MCC: variants seen among roughly 807,000 people sequenced by gnomAD.
MCC encodes the protein MCC regulator of Wnt signaling pathway, also known as colorectal mutant cancer protein.
Under a neutral mutation model 116.2 loss-of-function variants are expected in MCC, and 90 were observed. That is an observed-to-expected ratio of 0.77 (90% CI 0.65 to 0.92). The LOEUF (loss-of-function observed/expected upper bound fraction) is 0.92. Ranked by LOEUF, MCC falls within the 40% of genes least tolerant of loss-of-function variation. The pLI is 0.00. For synonymous variants in MCC, 578 were observed against 510.5 expected (o/e 1.13, Z -1.78); for missense variants, 1,516 against 1,312.2 (o/e 1.16, Z -2.40).
rs180818217 is a variant in MCC, at chr5:113,478,827, C to T, written c.170+9418G>A. On this transcript the variant is annotated intron_variant, in intron 1 of 18. Coordinates refer to ENST00000408903, the MANE Select transcript of MCC (RefSeq NM_001085377.2). ...CAGTCTCACAGAGAGTCCTTCTTAT[C>T]ATTATGGCTTCTCACACTATTTGTC... Among the ~76,000 whole-genome samples the T allele has an allele frequency of 2.0e-4, 31 of 152,280 alleles. 2 individuals carry two copies. In the East Asian group the frequency reaches 6.0e-3, roughly 29 times the overall value.
At position 113,064,222 on chromosome 5, in the gene MCC, C is replaced by A; in HGVS notation, c.2030-55G>T. On this transcript the variant is annotated intron_variant, in intron 13 of 18. Transcript: ENST00000408903. ...CAACATAGGCCTGGACAAGGCACGC[C>A]TGGGAGGGACTATGCATAATTAACT... 4.0e-6 allele frequency: 6 copies of A among 1,493,584 alleles called. No individual in the cohort carries two copies. The South Asian group carries it at 7.6e-5, about 19-fold the overall frequency. The allele number at this position is 1,493,584 out of a possible 1,614,324, so 92.5% of individuals were successfully genotyped here.
intron 7 of MCC, among the ~76,000 whole-genome samples, chr5:113,102,921 G>C (rs535458708): frequency 3.9e-5 from 6 of 152,192 alleles, no homozygotes; most frequent in African/African-American, 1.4e-4. Flanking sequence ...TTCAAGACCA[G>C]CCTGACCTCA....
chr5:113,185,414 A>C (rs1761852878), intron 3 of MCC, among the ~76,000 whole-genome samples: 1 of 152,002 alleles, frequency 6.6e-6, no homozygotes, highest in Non-Finnish European at 1.5e-5. Flanking sequence ...CTTCCTAACA[A>C]GGGTCCACAG....
intron 3 of MCC, among the ~76,000 whole-genome samples, chr5:113,184,383 A>G (rs1302970763): frequency 6.6e-6 from 1 of 152,198 alleles, no homozygotes; most frequent in African/African-American, 2.4e-5. Context: ...AAGATGCTGG[A>G]AGAAAAATTA....
At chr5:113,149,963 A>C (rs1561404205) in intron 4 of MCC, among the ~76,000 whole-genome samples, 1 of 152,138 alleles carries the variant, frequency 6.6e-6, no homozygotes, top group South Asian at 2.1e-4. Context: ...ATAGTAGCTA[A>C]AACTAGGAGG....
intron 3 of MCC, among the ~76,000 whole-genome samples, chr5:113,274,976 A>T (rs949023994): frequency 6.6e-6 from 1 of 152,206 alleles, no homozygotes; most frequent in Non-Finnish European, 1.5e-5. Context: ...CTTGGCTTTC[A>T]GCATGCCAGT....
At chr5:113,402,797 T>C (rs932770325) in intron 1 of MCC, among the ~76,000 whole-genome samples, 1 of 152,122 alleles carries the variant, frequency 6.6e-6, no homozygotes, top group Non-Finnish European at 1.5e-5. Context: ...AATGTTGTCA[T>C]TGTGTCTCAC....
At position 113,076,088 on chromosome 5, in the gene MCC, G is replaced by A. The variant is rs148115254; in HGVS notation, c.1785-4854C>T. On this transcript the variant is annotated intron_variant, in intron 11 of 18. Transcript: ENST00000408903. ...ATCTTTAAGAACTGTAACACTCACTGCGAGGGTCCACGGCTTCATTCTTGA... is the reference window on the plus strand; with the variant it reads ...ATCTTTAAGAACTGTAACACTCACTACGAGGGTCCACGGCTTCATTCTTGA... Among the ~76,000 whole-genome samples, 30 of 152,286 alleles carry A rather than the reference G, an allele frequency of 2.0e-4. 1 individual carries two copies. The highest frequency in any genetic ancestry group is 6.3e-4 in the African/African-American group (26 of 41,566).
At chr5:113,099,449 C>G (rs1756258205) in intron 8 of MCC, among the ~76,000 whole-genome samples, 1 of 152,218 alleles carries the variant, frequency 6.6e-6, no homozygotes, top group Admixed American at 6.5e-5. Context: ...TTCCGTATCA[C>G]TCGACAGGTA....
intron 4 of MCC, among the ~76,000 whole-genome samples, chr5:113,143,998 G>A (rs928369155): frequency 3.9e-5 from 6 of 152,198 alleles, no homozygotes; most frequent in African/African-American, 1.4e-4. Flanking sequence ...CAGACTACAA[G>A]CTCCTGGAAG....
At chr5:113,092,596 C>G (rs1755716632) in intron 8 of MCC, among the ~76,000 whole-genome samples, 1 of 152,266 alleles carries the variant, frequency 6.6e-6, no homozygotes, top group East Asian at 1.9e-4. Flanking sequence ...GATTAAGAAT[C>G]TATCACCTAT....
chr5:113,041,158 AGACAAAAAGT>A (rs1418618522), intron 17 of MCC, among the ~76,000 whole-genome samples: 1 of 152,238 alleles, frequency 6.6e-6, no homozygotes, highest in Non-Finnish European at 1.5e-5. Flanking sequence ...TTGGAAGGAA[AGACAAAAAGT>A]GACAATAAAT....
At chr5:113,310,642 T>C (rs1318354189) in intron 3 of MCC, among the ~76,000 whole-genome samples, 2 of 152,230 alleles carry the variant, frequency 1.3e-5, no homozygotes, top group African/African-American at 2.4e-5. Flanking sequence ...AAATTATTTT[T>C]CAAACACCTT....
chr5:113,198,597 G>A (rs1001101810), intron 3 of MCC, among the ~76,000 whole-genome samples: 13 of 150,984 alleles, frequency 8.6e-5, no homozygotes, highest in African/African-American at 1.2e-4. Flanking sequence ...CCAGCTACTC[G>A]GCAGGTTGAG....
intron 1 of MCC, among the ~76,000 whole-genome samples, chr5:113,424,012 T>C (rs1770415662): frequency 6.6e-6 from 1 of 152,074 alleles, no homozygotes; most frequent in Non-Finnish European, 1.5e-5. Flanking sequence ...CCTCTGGGGA[T>C]ACTGCCTGGG....
intron 8 of MCC, among the ~76,000 whole-genome samples, chr5:113,100,296 T>C (rs1756315068): frequency 6.6e-6 from 1 of 152,154 alleles, no homozygotes; most frequent in South Asian, 2.1e-4. Flanking sequence ...TCTTCCGTTT[T>C]ATATAATGGC....
rs1010008067 is a variant in MCC, at chr5:113,395,008, T to C, written c.171-9796A>G. Among the ~76,000 whole-genome samples, 61 of 152,206 alleles carry C rather than the reference T, an allele frequency of 4.0e-4. 1 individual carries two copies. Among genetic ancestry groups the C allele is most frequent in the Admixed American group, 3.3e-3 (50 of 15,272 alleles). Reference sequence around the variant, plus strand: ...CCCACAAAACCAAAAATATATACTATATGACCCTTTACAGAAAAAGTTTGC... The same window carrying C: ...CCCACAAAACCAAAAATATATACTACATGACCCTTTACAGAAAAAGTTTGC... On this transcript the variant is annotated intron_variant, in intron 1 of 18. Coordinates refer to ENST00000408903, the MANE Select transcript of MCC (RefSeq NM_001085377.2).
intron 6 of MCC, among the ~76,000 whole-genome samples, chr5:113,111,214 A>G (rs1757073687): frequency 6.6e-6 from 1 of 152,222 alleles, no homozygotes; most frequent in African/African-American, 2.4e-5. Flanking sequence ...ATTATAACAT[A>G]GACGAGGAGG....
chr5:113,484,205 A>G (rs1772455139), intron 1 of MCC, among the ~76,000 whole-genome samples: 1 of 152,180 alleles, frequency 6.6e-6, no homozygotes, highest in South Asian at 2.1e-4. Flanking sequence ...TGATGAAATA[A>G]TCTGTACAAC....
Sources: gnomAD v4.1 joint callset for allele counts (sites outside exome capture counted in the v4.1 genomes callset) on GRCh38, gnomAD v4.1.1 for gene constraint, MANE v1.5 for transcripts, NCBI Gene and HGNC (gene_info 2026-07-23, HGNC 2026-07-21) for gene names.